The following ZFAT variants were observed in gnomAD, a reference collection of about 807,000 sequenced individuals.
ZFAT encodes zinc finger and AT-hook domain containing.
ZFAT carries 64 observed loss-of-function variants against 117.7 expected under a neutral mutation model. The ratio of observed to expected loss-of-function variants is 0.54; its 90% CI spans 0.44 to 0.67. The LOEUF is 0.67. Ranked by LOEUF, ZFAT falls within the 30% of genes least tolerant of loss-of-function variation. ZFAT has a pLI of 0.00. For synonymous variants in ZFAT, 679 were observed against 615.0 expected, an observed-to-expected ratio of 1.10 and a Z score of -1.54; for missense variants, 1,433 against 1,584.5, an observed-to-expected ratio of 0.90 and a Z score of 1.62.
chr8:134,608,937 C>T, intron 4 of ZFAT, 58 bp from the exon 5 acceptor site: 1 of 1,554,004 alleles, frequency 6.4e-7, no homozygotes, highest in South Asian at 1.2e-5. Flanking sequence ...GGCACTGACC[C>T]CATCGCAGCA....
chr8:134,637,915 T>A (rs549904018), intron 2 of ZFAT, among the ~76,000 whole-genome samples: 24 of 152,320 alleles, frequency 1.6e-4, no homozygotes, highest in African/African-American at 5.8e-4. Context: ...GGTAATCAAT[T>A]TTCTAATGTT....
At chr8:134,552,514 T>C (rs566039767) in intron 11 of ZFAT, among the ~76,000 whole-genome samples, 4 of 152,364 alleles carry the variant, frequency 2.6e-5, no homozygotes, top group Admixed American at 2.6e-4. Context: ...GCAATAGATT[T>C]CTCCAGCTTC....
At chr8:134,556,398 A>G (rs926902589) in intron 11 of ZFAT, among the ~76,000 whole-genome samples, 2 of 152,152 alleles carry the variant, frequency 1.3e-5, no homozygotes, top group Non-Finnish European at 2.9e-5. Flanking sequence ...GAGAGAACAA[A>G]TGAAGCAGAA....
chr8:134,565,945 C>T (rs1280137856), intron 10 of ZFAT, among the ~76,000 whole-genome samples: 1 of 151,824 alleles, frequency 6.6e-6, no homozygotes, highest in Non-Finnish European at 1.5e-5. Context: ...GGACCTCAGA[C>T]ATAACCCTGA....
chr8:134,609,477 G>A (rs999886968), intron 4 of ZFAT, among the ~76,000 whole-genome samples: 1 of 152,102 alleles, frequency 6.6e-6, no homozygotes, highest in African/African-American at 2.4e-5. Context: ...TTTCCAGAAA[G>A]TTCTTCTAGC....
intron 15 of ZFAT, among the ~76,000 whole-genome samples, chr8:134,492,761 A>G (rs1818142185): frequency 6.6e-6 from 1 of 152,234 alleles, no homozygotes; most frequent in Non-Finnish European, 1.5e-5. Context: ...AGGAAAGAAA[A>G]TGCATAAATG....
chr8:134,774,058 C>T, the ZFAT span, among the ~76,000 whole-genome samples: 47,552 of 141,040 alleles, frequency 0.34, 8,045 homozygotes, highest in Admixed American at 0.44. Flanking sequence ...TGCAGCGGCA[C>T]GATCTCAGCT....
the ZFAT span, among the ~76,000 whole-genome samples, chr8:134,776,788 T>G: frequency 1.3e-5 from 2 of 152,264 alleles, no homozygotes; most frequent in African/African-American, 4.8e-5. Flanking sequence ...CTTAACTATT[T>G]GCATGTGTTT....
chr8:134,760,413 G>T, the ZFAT span, among the ~76,000 whole-genome samples: 1 of 152,006 alleles, frequency 6.6e-6, no homozygotes, highest in Non-Finnish European at 1.5e-5. Context: ...CAATTCTATT[G>T]GCAGGCCCAG....
chr8:134,644,177 G>A (rs952957393), intron 2 of ZFAT, among the ~76,000 whole-genome samples: 3 of 152,112 alleles, frequency 2.0e-5, no homozygotes, highest in African/African-American at 7.2e-5. Flanking sequence ...ACAGCCTGTG[G>A]GCCCCTCCTG....
chr8:134,678,349 C>T (rs1318169241), intron 1 of ZFAT, among the ~76,000 whole-genome samples: 1 of 152,070 alleles, frequency 6.6e-6, no homozygotes, highest in East Asian at 1.9e-4. Context: ...ACAATTGCTA[C>T]AAAGAGAATA....
chr8:134,676,542 T>A (rs1832814864), intron 1 of ZFAT, among the ~76,000 whole-genome samples: 1 of 152,014 alleles, frequency 6.6e-6, no homozygotes, highest in Non-Finnish European at 1.5e-5. Flanking sequence ...ATCAATGAGA[T>A]GGAAAATTAA....
At chr8:134,728,565 G>T in the ZFAT span, among the ~76,000 whole-genome samples, 1 of 152,198 alleles carries the variant, frequency 6.6e-6, no homozygotes, top group South Asian at 2.1e-4. Flanking sequence ...GTGTGAGCAT[G>T]CTGGGCTCAG....
chr8:134,647,391 C>T (rs1426628370), intron 2 of ZFAT, among the ~76,000 whole-genome samples: 4 of 152,124 alleles, frequency 2.6e-5, no homozygotes, highest in Non-Finnish European at 5.9e-5. Context: ...AAGGAATGTG[C>T]TTCAACAAAC....
chr8:134,778,488 C>T, the ZFAT span, among the ~76,000 whole-genome samples: 1 of 152,218 alleles, frequency 6.6e-6, no homozygotes, highest in Admixed American at 6.5e-5. Flanking sequence ...CTGGAATATT[C>T]CTTCATCCAT....
Position 134,601,833 on chromosome 8 carries a change from T to C in ZFAT, c.1886A>G (p.Glu629Gly). Reference protein sequence around the residue: ...QHRSSVQTQGEVITLLLSKAQ... With the variant: ...QHRSSVQTQGGVITLLLSKAQ... Reference sequence around the variant, plus strand: ...CTTGGACAGCAGTAGTGTGATCACTTCACCTTGCGTCTGGACTGAGCTTCT... The same window carrying C: ...CTTGGACAGCAGTAGTGTGATCACTCCACCTTGCGTCTGGACTGAGCTTCT... The change falls in exon 6 of 16, where the codon GAA (glutamate) becomes GGA (glycine). Residue 629 changes from glutamate (E) to glycine (G), a missense_variant. Transcript: ENST00000377838. 6.2e-7 allele frequency: 1 copy of C among 1,613,078 alleles called. No homozygotes were observed. The highest frequency in any genetic ancestry group is 8.5e-7 in the Non-Finnish European group (1 of 1,179,392).
chr8:134,670,102 C>T (rs1832477626), intron 1 of ZFAT, among the ~76,000 whole-genome samples: 1 of 152,074 alleles, frequency 6.6e-6, no homozygotes, highest in Non-Finnish European at 1.5e-5. Context: ...ATTCATAAAG[C>T]AAGTCCTTAG....
the ZFAT span, among the ~76,000 whole-genome samples, chr8:134,810,447 T>C: frequency 3.9e-5 from 6 of 152,246 alleles, no homozygotes; most frequent in Non-Finnish European, 7.3e-5. Context: ...CAAGCTTTTC[T>C]AGTAAATAAT....
At chr8:134,812,695 C>T in the ZFAT span, among the ~76,000 whole-genome samples, 1 of 152,162 alleles carries the variant, frequency 6.6e-6, no homozygotes, top group Non-Finnish European at 1.5e-5. Context: ...AAGATTATGC[C>T]ACTGTACTCC....
Sources: gnomAD v4.1 joint callset for allele counts (sites outside exome capture counted in the v4.1 genomes callset) on GRCh38, gnomAD v4.1.1 for gene constraint, MANE v1.5 for transcripts, NCBI Gene and HGNC (gene_info 2026-07-23, HGNC 2026-07-21) for gene names.